The following CCNL2 variants were observed in gnomAD, a reference collection of about 807,000 sequenced individuals.
CCNL2 encodes cyclin L2.
CCNL2 carries 28 observed loss-of-function variants against 59.1 expected under a neutral mutation model. That is an observed-to-expected ratio of 0.47 (90% confidence interval 0.35 to 0.65). The LOEUF (loss-of-function observed/expected upper bound fraction) is 0.65. CCNL2 is among the 30% of genes least tolerant of loss of function. The pLI, the probability that CCNL2 is intolerant of heterozygous loss-of-function variation, is 0.00. For synonymous variants in CCNL2, 342 were observed against 288.6 expected, an observed-to-expected ratio of 1.19 and a Z score of -1.88; for missense variants, 714 against 717.4, an observed-to-expected ratio of 1.00 and a Z score of 0.05.
chr1:1,387,327 G>T lies in CCNL2; in HGVS notation c.1467C>A (p.Tyr489Ter). The T allele has an allele frequency of 6.2e-7, 1 of 1,614,090 alleles. No homozygotes were observed. Among genetic ancestry groups the T allele is most frequent in the South Asian group, 1.1e-5 (1 of 91,088 alleles). The change falls in exon 11 of 11, where the codon TAC (tyrosine) becomes TAA (stop). Residue 489 changes from tyrosine (Y) to a stop codon, truncating the protein, a stop_gained. Transcript: ENST00000400809. LOFTEE classifies it high-confidence loss of function. ...NPGKYKKKSHYYRDQRRERSR... is the reference protein window; with the variant it reads ...NPGKYKKKSH ...AGCGCTCTCGTCGCTGATCTCTGTA[G>T]TAATGACTTTTCTTCTTGTATTTTC... is the stretch of plus-strand genomic sequence containing the variant.
rs377404751 is a variant in CCNL2 at position 1,392,237 on chromosome 1, T to C, written c.659+1159A>G. On this transcript the variant is annotated intron_variant, in intron 5 of 10. Transcript: ENST00000400809. ...TCAACAACTGTCAGTATTCAAGTAG[T>C]GATATTAATCCACGAACTTAAAATT... 83 of 735,106 alleles carry C rather than the reference T, an allele frequency of 1.1e-4. No individual in the cohort carries two copies. In the African/African-American group the frequency reaches 1.4e-3, roughly 12 times the overall value. The allele number at this position is 735,106 out of a possible 1,614,324, so 45.5% of individuals were successfully genotyped here.
At chr1:1,397,208 A>G (rs1645084134) in intron 3 of CCNL2, among the ~76,000 whole-genome samples, 1 of 152,224 alleles carries the variant, frequency 6.6e-6, no homozygotes, top group Non-Finnish European at 1.5e-5. Flanking sequence ...AATTAACTTC[A>G]GGTGCATAAA....
Position 1,387,285 on chromosome 1 carries a change from G to T in CCNL2, c.1509C>A (p.Arg503=). ...GGTCCCGCTCATAGCGACGGCCTGT[G>T]CGTTCATACGACCTCGAGCGCTCTC... ...QRRERSRSYE[R]TGRRYERDHP... is the part of the protein sequence containing the mutation. Residue 503 remains arginine (R), a synonymous_variant, in exon 11 of 11, where the codon CGC becomes CGA. Coordinates refer to ENST00000400809, the MANE Select transcript of CCNL2 (RefSeq NM_030937.6). 1 of 1,612,826 alleles carries T rather than the reference G, an allele frequency of 6.2e-7. No individual in the cohort carries two copies.
rs770392095 is a variant in CCNL2, at chr1:1,387,857, C to T, written c.1131G>A (p.Gly377=). 2 of 1,613,852 alleles carry T rather than the reference C, an allele frequency of 1.2e-6. No individual in the cohort carries two copies. Among genetic ancestry groups the T allele is most frequent in the East Asian group, 2.2e-5 (1 of 44,874 alleles). ...TCCGGCTCCGACTCCGACTCTCTCG[C>T]CCCTTTGGCAAGCTGTGAACAGGAC... is the stretch of plus-strand genomic sequence containing the variant. ...ADSPVNGLPK[G]RESRSRSRSR... Residue 377 remains glycine, a synonymous_variant, in exon 10 of 11, where the codon GGG becomes GGA. Coordinates refer to ENST00000400809, the MANE Select transcript of CCNL2 (RefSeq NM_030937.6).
chr1:1,388,581 C>G, intron 8 of CCNL2: 1 of 377,974 alleles, frequency 2.6e-6, no homozygotes, highest in Admixed American at 2.9e-5. Context: ...CTCTCTCTCT[C>G]TCTATATATA....
intron 1 of CCNL2, 24 bp downstream of exon 1, chr1:1,398,995 G>C (rs1570038613): frequency 6.3e-7 from 1 of 1,575,188 alleles, no homozygotes; most frequent in Non-Finnish European, 8.6e-7. Flanking sequence ...TACCTGGGCC[G>C]GAGGCTCGCG....
At chr1:1,388,772 GAAAAAAAAA>G in intron 8 of CCNL2, 2 of 152,178 alleles carry the variant, frequency 1.3e-5, no homozygotes, top group Non-Finnish European at 2.3e-5. Context: ...CTCCGTCTCA[GAAAAAAAAA>G]AAAAAAAAAA....
At chr1:1,398,740 A>G (rs1645196311) in intron 1 of CCNL2, 69 bp from the exon 2 acceptor site, 11 of 1,431,056 alleles carry the variant, frequency 7.7e-6, no homozygotes, top group South Asian at 2.3e-5. Context: ...AAAGTCATCG[A>G]GTAACGTGGG....
chr1:1,388,772 GAAAAAAA>G (rs775917140), intron 8 of CCNL2: 24 of 152,048 alleles, frequency 1.6e-4, no homozygotes, highest in East Asian at 2.1e-4. Flanking sequence ...CTCCGTCTCA[GAAAAAAA>G]AAAAAAAAAA....
At chr1:1,398,463 C>G (rs1191965765) in intron 2 of CCNL2, 121 bp from the exon 3 acceptor site, 2 of 1,568,850 alleles carry the variant, frequency 1.3e-6, no homozygotes, top group Non-Finnish European at 1.7e-6. Flanking sequence ...AAAAAAAAGT[C>G]AAGAAACAGA....
intron 1 of CCNL2, 55 bp downstream of exon 1, chr1:1,398,964 G>C: frequency 6.6e-7 from 1 of 1,512,248 alleles, no homozygotes; most frequent in Non-Finnish European, 8.8e-7. Flanking sequence ...CGCCAACAAA[G>C]GCGGCTGCCG....
At position 1,387,308 on chromosome 1, in the gene CCNL2, C is replaced by G. The variant is rs781642985; in HGVS notation, c.1486G>C (p.Glu496Gln). The change falls in exon 11 of 11, where the codon GAG becomes CAG. Residue 496 changes from glutamate to glutamine, a missense_variant. Physicochemically the swap from Glu to Gln is conservative, Grantham distance 29. Around this residue, in one of 5 missense-constraint regions of CCNL2, gnomAD observed 403 missense variants for 377.7 expected, o/e 1.07. Coordinates refer to ENST00000400809, the MANE Select transcript of CCNL2 (RefSeq NM_030937.6). ...GTGCGTTCATACGACCTCGAGCGCT[C>G]TCGTCGCTGATCTCTGTAGTAATGA... ...KSHYYRDQRR[E>Q]RSRSYERTGR... The G allele has an allele frequency of 1.2e-6, 2 of 1,613,822 alleles. No homozygotes were observed. Among genetic ancestry groups the G allele is most frequent in the East Asian group, 4.5e-5 (2 of 44,890 alleles).
intron 3 of CCNL2, among the ~76,000 whole-genome samples, chr1:1,395,834 G>A (rs1254809690): frequency 6.6e-6 from 1 of 152,116 alleles, no homozygotes; most frequent in Non-Finnish European, 1.5e-5. Flanking sequence ...ACGATAGGAA[G>A]GTACATATTC....
chr1:1,386,353 C>T lies in CCNL2; in HGVS notation c.*878G>A. ...CAAGCCTTCGGCAGAAGGGCAGGCA[C>T]ACAGGATTGGATGCAAAATCCAAAA... is the stretch of plus-strand genomic sequence containing the variant. On this transcript the variant is annotated 3_prime_UTR_variant, in exon 11 of 11. Transcript: ENST00000400809. 1 of 152,302 alleles carries T rather than the reference C, an allele frequency of 6.6e-6. No homozygotes were observed. The highest frequency in any genetic ancestry group is 1.9e-4 in the East Asian group (1 of 5,200). 9.4% of individuals were successfully genotyped at this position (152,302 alleles called of 1,614,324 possible). A position where few individuals can be genotyped will look rare whatever the true frequency, so the allele number is the denominator to read the frequency against.
chr1:1,399,283 AGCCGCCGCC>A lies in CCNL2; in HGVS notation c.15_23del (p.Ala6_Ala8del), dbSNP rs745352821. 1.0e-4 allele frequency: 149 copies of A among 1,470,894 alleles called. 1 individual carries two copies. Among genetic ancestry groups the A allele is most frequent in the South Asian group, 6.3e-4 (46 of 73,060 alleles). The allele number at this position is 1,470,894 out of a possible 1,614,324, so 91.1% of individuals were successfully genotyped here. ...CGGGAGCTGCCGACCCTGCAGCACCAGCCGCCGCCGCCGCCGCCGCCATTTTGTGCCGCC... is the reference window on the plus strand; with the variant it reads ...CGGGAGCTGCCGACCCTGCAGCACCAGCCGCCGCCGCCATTTTGTGCCGCC... On this transcript the variant is annotated inframe_deletion, in exon 1 of 11. Coordinates refer to ENST00000400809, the MANE Select transcript of CCNL2 (RefSeq NM_030937.6).
intron 5 of CCNL2, chr1:1,392,804 C>T (rs1264353967): frequency 6.2e-7 from 1 of 1,612,530 alleles, no homozygotes; most frequent in Non-Finnish European, 8.5e-7. Flanking sequence ...AGAGGCTACC[C>T]TTTGATTGAA....
In CCNL2 at chr1:1,386,941, T is replaced by C. The variant is rs1644482661; in HGVS notation, c.*290A>G. The C allele has an allele frequency of 2.7e-6, 1 of 369,362 alleles. No homozygotes were observed. Among genetic ancestry groups the C allele is most frequent in the Non-Finnish European group, 4.9e-6 (1 of 205,168 alleles). The allele number at this position is 369,362 out of a possible 1,614,324, so 22.9% of individuals were successfully genotyped here. ...GCCACGCCAACAAGGGCGTGTGCATTCACTTTTTCATTGAGCTGCCCTCAG... is the reference window on the plus strand; with the variant it reads ...GCCACGCCAACAAGGGCGTGTGCATCCACTTTTTCATTGAGCTGCCCTCAG... On this transcript the variant is annotated 3_prime_UTR_variant, in exon 11 of 11. Coordinates refer to ENST00000400809, the MANE Select transcript of CCNL2 (RefSeq NM_030937.6).
intron 3 of CCNL2, 93 bp from the exon 4 acceptor site, chr1:1,395,607 C>A (rs1644975747): frequency 3.9e-6 from 6 of 1,537,244 alleles, no homozygotes; most frequent in Non-Finnish European, 5.3e-6. Context: ...GCACCTAACA[C>A]AAACCCCACA....
chr1:1,393,821 C>G (rs1569959222), intron 4 of CCNL2, among the ~76,000 whole-genome samples: 1 of 152,240 alleles, frequency 6.6e-6, no homozygotes, highest in Non-Finnish European at 1.5e-5. Context: ...AACATACTTT[C>G]AGCAAACAGA....
Sources: gnomAD v4.1 joint callset for allele counts (sites outside exome capture counted in the v4.1 genomes callset) on GRCh38, gnomAD v4.1.1 for gene constraint, gnomAD v4.1.1 regional missense constraint, MANE v1.5 for transcripts, NCBI Gene and HGNC (gene_info 2026-07-23, HGNC 2026-07-21) for gene names.